RABGAP1L: variants seen among roughly 807,000 people sequenced by gnomAD.
The protein encoded by RABGAP1L is RAB GTPase activating protein 1 like.
RABGAP1L carries 63 observed loss-of-function variants against 137.7 expected under a neutral mutation model. The observed-to-expected ratio is 0.46, with a 90% CI of 0.37 to 0.56. The LOEUF is 0.56. RABGAP1L is among the 20% of genes least tolerant of loss of function. The pLI is 0.00. For missense variants in RABGAP1L, 1,095 were observed against 1,244.0 expected, an observed-to-expected ratio of 0.88 and a Z score of 1.80; for synonymous variants, 431 against 433.7, an observed-to-expected ratio of 0.99 and a Z score of 0.08.
At chr1:174,596,255 C>T (rs1395960334) in intron 13 of RABGAP1L, among the ~76,000 whole-genome samples, 3 of 149,586 alleles carry the variant, frequency 2.0e-5, no homozygotes, top group Non-Finnish European at 4.4e-5. Context: ...CACTGTCTGG[C>T]ACTCCCTAGT....
Position 174,575,016 on chromosome 1 carries a change from C to T in RABGAP1L, c.1711-62359C>T, listed in dbSNP as rs983759864. Among the ~76,000 whole-genome samples the T allele has an allele frequency of 8.5e-5, 13 of 152,284 alleles. No homozygotes were observed. The East Asian group carries it at 2.1e-3, about 25-fold the overall frequency. On this transcript the variant is annotated intron_variant, in intron 13 of 25. Coordinates refer to ENST00000681986, the MANE Select transcript of RABGAP1L (RefSeq NM_001366446.1). ...CACAATCTCGGCTCACTGCAACCTC[C>T]GCCTCCCAGGTTCAAGCGATTCTCC...
At chr1:174,227,367 ATT>A (rs761462482) in intron 3 of RABGAP1L, among the ~76,000 whole-genome samples, 9 of 142,736 alleles carry the variant, frequency 6.3e-5, no homozygotes, top group Non-Finnish European at 9.3e-5. Flanking sequence ...TGCCCAGCTA[ATT>A]TTTTTTTTTT....
chr1:174,308,707 T>C (rs984491865), intron 11 of RABGAP1L, among the ~76,000 whole-genome samples: 3 of 152,072 alleles, frequency 2.0e-5, no homozygotes, highest in African/African-American at 7.2e-5. Context: ...GAATTATTTC[T>C]GTTCTGTTTA....
intron 19 of RABGAP1L, chr1:174,898,081 G>A (rs575850440): frequency 2.6e-5 from 4 of 151,872 alleles, no homozygotes; most frequent in South Asian, 2.1e-4. Flanking sequence ...ATTAGTATAC[G>A]AACAAGTTGA....
At chr1:174,419,957 G>C (rs1300349494) in intron 13 of RABGAP1L, among the ~76,000 whole-genome samples, 1 of 152,048 alleles carries the variant, frequency 6.6e-6, no homozygotes, top group Non-Finnish European at 1.5e-5. Flanking sequence ...TTGAGCCCAA[G>C]AAACAAGAAT....
At chr1:174,239,460 T>C (rs1316033032) in intron 4 of RABGAP1L, among the ~76,000 whole-genome samples, 1 of 152,202 alleles carries the variant, frequency 6.6e-6, no homozygotes, top group African/African-American at 2.4e-5. Flanking sequence ...CCTAAGTAAA[T>C]CTTTCCCTGA....
intron 18 of RABGAP1L, among the ~76,000 whole-genome samples, chr1:174,762,706 A>G (rs1685321191): frequency 6.6e-6 from 1 of 152,150 alleles, no homozygotes; most frequent in Admixed American, 6.5e-5. Context: ...CTTAGAGTCA[A>G]ATTGAGAAAG....
intron 17 of RABGAP1L, among the ~76,000 whole-genome samples, chr1:174,736,908 A>T (rs1184054071): frequency 1.3e-5 from 2 of 152,208 alleles, no homozygotes; most frequent in East Asian, 3.9e-4. Context: ...GACCAGGACA[A>T]TGGGGCCCCG....
At chr1:174,981,550 C>CTTTTTTTT (rs10556099) in intron 23 of RABGAP1L, among the ~76,000 whole-genome samples, 690 of 66,424 alleles carry the variant, frequency 0.01, 111 homozygotes, top group East Asian at 0.015. Context: ...GTTTTTCCAT[C>CTTTTTTTT]TTTTTTTTTT....
At chr1:174,627,749 G>C (rs1172999670) in intron 13 of RABGAP1L, among the ~76,000 whole-genome samples, 1 of 152,120 alleles carries the variant, frequency 6.6e-6, no homozygotes, top group Non-Finnish European at 1.5e-5. Flanking sequence ...AAGGGCATGG[G>C]GTATGGGAGA....
At chr1:174,360,928 A>G (rs1571401501) in intron 11 of RABGAP1L, among the ~76,000 whole-genome samples, 1 of 152,294 alleles carries the variant, frequency 6.6e-6, no homozygotes, top group East Asian at 1.9e-4. Context: ...AGGCCAAGGC[A>G]GGTGGATCAC....
intron 19 of RABGAP1L, among the ~76,000 whole-genome samples, chr1:174,932,575 G>A (rs541505443): frequency 4.6e-5 from 7 of 152,054 alleles, no homozygotes; most frequent in Non-Finnish European, 1.0e-4. Flanking sequence ...TTTGACCAAG[G>A]TGATTTCTGC....
chr1:174,722,261 CACTT>C (rs1681610010), intron 17 of RABGAP1L, among the ~76,000 whole-genome samples: 1 of 152,082 alleles, frequency 6.6e-6, no homozygotes, highest in Non-Finnish European at 1.5e-5. Flanking sequence ...ATGCCAGTCA[CACTT>C]ACTTTGGCTA....
intron 19 of RABGAP1L, among the ~76,000 whole-genome samples, chr1:174,850,908 T>G (rs1398484500): frequency 6.6e-6 from 1 of 152,170 alleles, no homozygotes; most frequent in East Asian, 1.9e-4. Context: ...GGAGACCACT[T>G]GAGAAAGAAG....
At chr1:174,275,992 T>G in intron 9 of RABGAP1L, 57 bp downstream of exon 9, 1 of 1,415,476 alleles carries the variant, frequency 7.1e-7, no homozygotes, top group East Asian at 2.4e-5. Context: ...TTATGAACAA[T>G]GTTGCTTGTC....
chr1:174,443,486 A>G (rs1169853615), intron 13 of RABGAP1L, among the ~76,000 whole-genome samples: 1 of 151,940 alleles, frequency 6.6e-6, no homozygotes, highest in Non-Finnish European at 1.5e-5. Context: ...AAAATGAGTA[A>G]TTTTTCATAT....
chr1:174,591,409 G>A (rs1389343322), intron 13 of RABGAP1L, among the ~76,000 whole-genome samples: 3 of 13,024 alleles, frequency 2.3e-4, no homozygotes. Flanking sequence ...TGGTGTTTTG[G>A]ACATGAAGTC....
intron 13 of RABGAP1L, among the ~76,000 whole-genome samples, chr1:174,606,686 A>G (rs1670818537): frequency 6.6e-6 from 1 of 152,182 alleles, no homozygotes; most frequent in Non-Finnish European, 1.5e-5. Context: ...TTTCCAAGCC[A>G]AAATTCAGTT....
chr1:174,654,296 G>A lies in RABGAP1L; in HGVS notation c.1824+16808G>A, dbSNP rs1007808438. ...CAGCATAGCAGTCAGTTGGGCCCTCGTTCAATTACAGCCTCTTCTGTTGGA... is the reference window on the plus strand; with the variant it reads ...CAGCATAGCAGTCAGTTGGGCCCTCATTCAATTACAGCCTCTTCTGTTGGA... On this transcript the variant is annotated intron_variant, in intron 14 of 25. Transcript: ENST00000681986. Among the ~76,000 whole-genome samples, 6 of 152,118 alleles carry A rather than the reference G, an allele frequency of 3.9e-5. No homozygotes were observed. The East Asian group carries it at 7.7e-4, about 20-fold the overall frequency.
Sources: allele counts gnomAD v4.1 joint callset (sites outside exome capture counted in the v4.1 genomes callset), GRCh38; gene constraint gnomAD v4.1.1; transcripts MANE v1.5; gene names NCBI Gene and HGNC (gene_info 2026-07-23, HGNC 2026-07-21).